Variants in VBP1 observed in about 807,000 individuals in gnomAD.
VBP1 encodes prefoldin subunit 3.
Under a neutral mutation model 15.5 loss-of-function variants are expected in VBP1, and 4 were observed. The ratio of observed to expected loss-of-function variants is 0.26; its 90% CI spans 0.13 to 0.59. The LOEUF is 0.59. Ranked by LOEUF, VBP1 falls within the 20% of genes least tolerant of loss-of-function variation. VBP1 has a pLI of 0.90. For synonymous variants in VBP1, 61 were observed against 52.1 expected, an observed-to-expected ratio of 1.17 and a Z score of -0.74; for missense variants, 108 against 139.6, an observed-to-expected ratio of 0.77 and a Z score of 1.14.
At chrX:155,227,162 A>G (rs1020874092) in intron 2 of VBP1, 73 bp from the exon 3 acceptor site, 3 of 895,989 alleles carry the variant, frequency 3.3e-6, no homozygotes, top group Non-Finnish European at 4.7e-6. Flanking sequence ...AGAAAATGCA[A>G]AGTTAGTAAG....
chrX:155,202,250 GA>G (rs1557307575), intron 1 of VBP1, among the ~76,000 whole-genome samples: 1 of 111,389 alleles, frequency 9.0e-6, no homozygotes, highest in African/African-American at 3.3e-5. Context: ...CACAGAATTG[GA>G]AAAAATTTTA....
At chrX:155,223,286 G>C (rs1401896718) in intron 2 of VBP1, among the ~76,000 whole-genome samples, 1 of 106,662 alleles carries the variant, frequency 9.4e-6, no homozygotes, top group African/African-American at 3.4e-5. Flanking sequence ...GTGGAGGGAA[G>C]GTCAGCAGGT....
At chrX:155,199,478 T>A (rs1381694067) in intron 1 of VBP1, among the ~76,000 whole-genome samples, 2 of 111,859 alleles carry the variant, frequency 1.8e-5, no homozygotes, top group Non-Finnish European at 3.8e-5. Flanking sequence ...AAAAGAATTT[T>A]CAACCCAGAA....
rs138753963 is a variant in VBP1 at position 155,222,859 on chromosome X, T to C, written c.218+2552T>C. Reference sequence around the variant, plus strand: ...TTTTAATAGTGGGTTGGTCATTTTTTTGAGACAGGCTTTCTCTCTGTTGCC... The same window carrying C: ...TTTTAATAGTGGGTTGGTCATTTTTCTGAGACAGGCTTTCTCTCTGTTGCC... On this transcript the variant is annotated intron_variant, in intron 2 of 5. Coordinates refer to ENST00000286428, the MANE Select transcript of VBP1 (RefSeq NM_003372.7). 1.4e-4 allele frequency among the ~76,000 whole-genome samples: 16 copies of C among 111,770 alleles called. No individual in the cohort carries two copies. In the East Asian group the frequency reaches 4.5e-3, roughly 32 times the overall value.
At chrX:155,232,228 CTTTTTT>C (rs200591228) in intron 4 of VBP1, among the ~76,000 whole-genome samples, 1 of 100,311 alleles carries the variant, frequency 1.0e-5, no homozygotes, top group Non-Finnish European at 2.0e-5. Context: ...GATTCTTTTT[CTTTTTT>C]TTTTTGATAG....
intron 1 of VBP1, among the ~76,000 whole-genome samples, chrX:155,199,894 A>G (rs1557307174): frequency 8.9e-6 from 1 of 112,002 alleles, no homozygotes; most frequent in Non-Finnish European, 1.9e-5. Flanking sequence ...CATAGGCTCA[A>G]AATAAAAGGA....
intron 1 of VBP1, among the ~76,000 whole-genome samples, chrX:155,219,083 T>C (rs1476646145): frequency 4.4e-5 from 5 of 112,450 alleles, no homozygotes; most frequent in South Asian, 7.4e-4. Flanking sequence ...TACTGTCTAG[T>C]TTGATGGCTT....
chrX:155,217,459 A>G (rs1263594942), intron 1 of VBP1, among the ~76,000 whole-genome samples: 1 of 112,942 alleles, frequency 8.9e-6, no homozygotes, highest in Non-Finnish European at 1.9e-5. Flanking sequence ...CTTAGCTACT[A>G]TAAAATCTTC....
At chrX:155,228,192 G>C (rs918846812) in intron 3 of VBP1, among the ~76,000 whole-genome samples, 192 bp from the exon 4 acceptor site, 1 of 111,558 alleles carries the variant, frequency 9.0e-6, no homozygotes, top group African/African-American at 3.3e-5. Context: ...GATTTGTACA[G>C]CTAGTGAGTA....
upstream of VBP1, among the ~76,000 whole-genome samples, chrX:155,215,865 T>C (rs183041300): frequency 2.6e-4 from 29 of 112,125 alleles, no homozygotes; most frequent in African/African-American, 8.8e-4. Flanking sequence ...TATGAAGTTT[T>C]GGAAACGTTT....
intron 2 of VBP1, among the ~76,000 whole-genome samples, chrX:155,209,743 A>G (rs190024528): frequency 6.7e-4 from 75 of 112,179 alleles, no homozygotes; most frequent in African/African-American, 2.2e-3. Context: ...ATACCTGAAC[A>G]TTTGTTTTAG....
At chrX:155,214,514 ATTGT>A (rs1220858415), upstream of VBP1, among the ~76,000 whole-genome samples, 21 of 112,272 alleles carry the variant, frequency 1.9e-4, no homozygotes, top group Admixed American at 1.6e-3. Flanking sequence ...ACGTGAAATG[ATTGT>A]TTAAGTTGTT....
At chrX:155,214,768 C>T (rs868910331), upstream of VBP1, among the ~76,000 whole-genome samples, 70 of 82,999 alleles carry the variant, frequency 8.4e-4, no homozygotes, top group African/African-American at 1.8e-3. Context: ...TTTTCTTTTC[C>T]TTTTTTTTTT....
intron 2 of VBP1, among the ~76,000 whole-genome samples, chrX:155,220,529 T>C (rs782227859): frequency 8.9e-6 from 1 of 111,935 alleles, no homozygotes; most frequent in African/African-American, 3.2e-5. Context: ...TTTGAAAACA[T>C]AATAGAATGG....
intron 1 of VBP1, among the ~76,000 whole-genome samples, chrX:155,216,916 T>C (rs1307975090): frequency 8.9e-6 from 1 of 112,012 alleles, no homozygotes; most frequent in Non-Finnish European, 1.9e-5. Context: ...GGGGAGGTGG[T>C]GAGGAGCTCT....
intron 2 of VBP1, among the ~76,000 whole-genome samples, chrX:155,210,378 C>G (rs1191136011): frequency 1.8e-5 from 2 of 111,775 alleles, no homozygotes; most frequent in East Asian, 5.6e-4. Flanking sequence ...TGCTTGAGCC[C>G]AGGAGTTTGA....
intron 1 of VBP1, among the ~76,000 whole-genome samples, chrX:155,207,145 T>C (rs1404909040): frequency 9.0e-6 from 1 of 111,388 alleles, no homozygotes; most frequent in Non-Finnish European, 1.9e-5. Context: ...CAGAAAAAAC[T>C]ATGAAGGGCT....
intron 4 of VBP1, among the ~76,000 whole-genome samples, chrX:155,228,869 A>C (rs1557310543): frequency 8.9e-6 from 1 of 112,674 alleles, no homozygotes; most frequent in African/African-American, 3.2e-5. Context: ...ATAAGAGTTT[A>C]ATAATTCTAG....
upstream of VBP1, among the ~76,000 whole-genome samples, chrX:155,215,908 G>T (rs1347568476): frequency 8.9e-6 from 1 of 111,859 alleles, no homozygotes; most frequent in Non-Finnish European, 1.9e-5. Flanking sequence ...ATCAAAGGTG[G>T]CTTTCAGGAA....
Sources: allele counts gnomAD v4.1 joint callset (sites outside exome capture counted in the v4.1 genomes callset), GRCh38; gene constraint gnomAD v4.1.1; transcripts MANE v1.5; gene names NCBI Gene and HGNC (gene_info 2026-07-23, HGNC 2026-07-21).